The following OSMR variants were observed in gnomAD, a reference collection of about 807,000 sequenced individuals.
The protein encoded by OSMR is oncostatin M receptor.
A neutral mutation model predicts 99.9 loss-of-function variants in OSMR; 81 were observed. The ratio of observed to expected loss-of-function variants is 0.81; its 90% CI spans 0.68 to 0.97. The LOEUF (loss-of-function observed/expected upper bound fraction) is 0.97. Ranked by LOEUF, OSMR falls within the 50% of genes least tolerant of loss-of-function variation. The pLI, the probability that OSMR is intolerant of heterozygous loss-of-function variation, is 0.00. For synonymous variants in OSMR, 406 were observed against 410.4 expected (o/e 0.99, Z 0.13); for missense variants, 1,099 against 1,153.4 (o/e 0.95, Z 0.68).
intron 3 of OSMR, among the ~76,000 whole-genome samples, chr5:38,876,672 G>A (rs1483664755): frequency 6.6e-6 from 1 of 152,130 alleles, no homozygotes; most frequent in East Asian, 1.9e-4. Context: ...AGAGAGCCAC[G>A]AAGATTAACC....
chr5:38,918,674 C>G, intron 10 of OSMR, 166 bp from the exon 11 acceptor site: 1 of 912,910 alleles, frequency 1.1e-6, no homozygotes, highest in Non-Finnish European at 1.3e-6. Context: ...ATTTGAATGT[C>G]TGATTTCAGA....
intron 1 of OSMR, chr5:38,942,118 G>A (rs965781780): frequency 2.4e-5 from 10 of 413,796 alleles, no homozygotes; most frequent in Middle Eastern, 6.0e-4. Context: ...CAACAAAGGA[G>A]AGAAGGAAGT....
intron 15 of OSMR, among the ~76,000 whole-genome samples, chr5:38,929,110 T>C (rs1220016264): frequency 6.6e-6 from 1 of 152,182 alleles, no homozygotes; most frequent in Non-Finnish European, 1.5e-5. Context: ...GTGACTAGCA[T>C]CCAATTAACT....
intron 7 of OSMR, among the ~76,000 whole-genome samples, chr5:38,888,267 A>G (rs1187119329): frequency 1.3e-5 from 2 of 152,132 alleles, no homozygotes; most frequent in African/African-American, 4.8e-5. Flanking sequence ...AATGCAGGGC[A>G]CCTTGATGTT....
intron 1 of OSMR, among the ~76,000 whole-genome samples, chr5:38,852,674 A>G (rs1305902352): frequency 7.2e-6 from 1 of 138,240 alleles, no homozygotes. Flanking sequence ...CTCTTTGTAT[A>G]TGAGGGATAG....
chr5:38,850,021 T>C (rs1338689227), intron 1 of OSMR, among the ~76,000 whole-genome samples: 3 of 152,200 alleles, frequency 2.0e-5, no homozygotes. Context: ...CTATTGGTAA[T>C]AGGAACCAGT....
At chr5:38,939,175 ATT>A, downstream of OSMR, 1 of 233,000 alleles carries the variant, frequency 4.3e-6, no homozygotes, top group Non-Finnish European at 8.5e-6. Flanking sequence ...ATGGAATAAC[ATT>A]TTATATAAAT....
chr5:38,901,686 C>T (rs1018649554), intron 7 of OSMR, among the ~76,000 whole-genome samples: 2 of 152,134 alleles, frequency 1.3e-5, no homozygotes, highest in Non-Finnish European at 2.9e-5. Context: ...CCAGAGACTC[C>T]AATCAGCGTG....
chr5:38,852,855 C>T (rs1186681756), intron 1 of OSMR, among the ~76,000 whole-genome samples: 6 of 150,496 alleles, frequency 4.0e-5, no homozygotes, highest in African/African-American at 4.9e-5. Context: ...CTCAGCCTCC[C>T]GAGTAGCTGG....
At position 38,881,727 on chromosome 5, in the gene OSMR, T is replaced by C; in HGVS notation, c.381T>C (p.Asn127=). The C allele has an allele frequency of 1.2e-6, 2 of 1,614,208 alleles. No homozygotes were observed. The highest frequency in any genetic ancestry group is 2.2e-5 in the South Asian group (2 of 91,084). ...LVDDAKFPEP[N]FWSNWSSWEE... ...ACGATGCCAAGTTCCCTGAGCCAAA[T>C]TTCTGGAGCAACTGGAGTTCCTGGG... is the stretch of plus-strand genomic sequence containing the variant. Residue 127 remains asparagine, a synonymous_variant, in exon 4 of 18, where the codon AAT becomes AAC. Transcript: ENST00000274276.
rs574523088 is a variant in OSMR at position 38,873,997 on chromosome 5, T to G, written c.74-2204T>G. Among the ~76,000 whole-genome samples the G allele has an allele frequency of 1.1e-4, 16 of 152,022 alleles. No homozygotes were observed. In the South Asian group the frequency reaches 3.1e-3, roughly 30 times the overall value. On this transcript the variant is annotated intron_variant, in intron 2 of 17. Coordinates refer to ENST00000274276, the MANE Select transcript of OSMR (RefSeq NM_003999.3). ...ACACGTGCCATGACACCCAGCTACT[T>G]GTTGTATTTTTTTTGGTAGAGACAG...
intron 1 of OSMR, among the ~76,000 whole-genome samples, chr5:38,864,266 A>G (rs75140737): frequency 0.012 from 1,883 of 151,566 alleles, 16 homozygotes; most frequent in Non-Finnish European, 0.018. Context: ...CTTATTGTTC[A>G]TCATTGCAGT....
At chr5:38,915,224 A>G (rs1435105576) in intron 9 of OSMR, among the ~76,000 whole-genome samples, 1 of 152,242 alleles carries the variant, frequency 6.6e-6, no homozygotes, top group East Asian at 1.9e-4. Context: ...TGGACTTTGA[A>G]TTTATGTTTT....
In OSMR at chr5:38,929,309, T is replaced by C. The variant is rs144724053; in HGVS notation, c.2213-2574T>C. On this transcript the variant is annotated intron_variant, in intron 15 of 17. Transcript: ENST00000274276. ...TTTTCAAAATAATCCTTTCTCTTTGTAAATTGGTTTGTTAACTTTTTCTCG... is the reference window on the plus strand; with the variant it reads ...TTTTCAAAATAATCCTTTCTCTTTGCAAATTGGTTTGTTAACTTTTTCTCG... 4.6e-3 allele frequency among the ~76,000 whole-genome samples: 704 copies of C among 152,348 alleles called. 5 individuals carry two copies. Among genetic ancestry groups the C allele is most frequent in the Middle Eastern group, 0.017 (5 of 294 alleles).
downstream of OSMR, chr5:38,938,762 A>T (rs1579833063): frequency 2.6e-5 from 6 of 232,994 alleles, no homozygotes; most frequent in East Asian, 3.7e-4. Flanking sequence ...TTTAAATGAG[A>T]TTCTCACTGT....
downstream of OSMR, among the ~76,000 whole-genome samples, chr5:38,936,130 A>G (rs1484763244): frequency 6.6e-6 from 1 of 152,204 alleles, no homozygotes; most frequent in African/African-American, 2.4e-5. Context: ...AAATAAATAT[A>G]TACACAAAAG....
downstream of OSMR, among the ~76,000 whole-genome samples, chr5:38,936,951 CAA>C (rs1356048427): frequency 1.3e-5 from 2 of 152,150 alleles, no homozygotes; most frequent in African/African-American, 4.8e-5. Flanking sequence ...AAAAATGAAA[CAA>C]TATTTTCCAA....
intron 7 of OSMR, among the ~76,000 whole-genome samples, chr5:38,897,904 ATAG>A (rs1187181790): frequency 1.3e-5 from 2 of 152,050 alleles, no homozygotes; most frequent in Non-Finnish European, 2.9e-5. Flanking sequence ...TATGTAGTTT[ATAG>A]TTTCCAAAAT....
downstream of OSMR, chr5:38,940,144 A>AAAAAAAAAAAAAAAC (rs1561426227): frequency 7.1e-6 from 1 of 140,894 alleles, no homozygotes; most frequent in Non-Finnish European, 1.3e-5. Context: ...AAAAAAAAAC[A>AAAAAAAAAAAAAAAC]AAAAAAAAAA....
Sources: allele counts gnomAD v4.1 joint callset (sites outside exome capture counted in the v4.1 genomes callset), GRCh38; gene constraint gnomAD v4.1.1; transcripts MANE v1.5; gene names NCBI Gene and HGNC (gene_info 2026-07-23, HGNC 2026-07-21).